Variants in INSL6 observed in about 807,000 individuals in gnomAD.
INSL6 encodes insulin-like peptide INSL6.
INSL6 carries 16 observed loss-of-function variants against 9.4 expected under a neutral mutation model. The ratio of observed to expected loss-of-function variants is 1.70; its 90% confidence interval spans 1.15 to 2.59. The LOEUF (loss-of-function observed/expected upper bound fraction) is 2.59, where lower values mean the gene tolerates loss of function less well. Among genes scored for constraint, INSL6 ranks in the 30% most tolerant of loss-of-function variants. INSL6 has a pLI of 0.00. For synonymous variants in INSL6, 154 were observed against 96.9 expected (o/e 1.59, Z -3.46); for missense variants, 391 against 257.3 (o/e 1.52, Z -3.56).
chr9:5,110,208 T>A, the INSL6 span: 1 of 152,214 alleles, frequency 6.6e-6, no homozygotes, highest in Non-Finnish European at 1.5e-5. Flanking sequence ...CCTGCTCCAC[T>A]CCAGCACTAT....
At chr9:5,130,636 T>C (rs965405269) in intron 3 of INSL6, among the ~76,000 whole-genome samples, 1 of 152,160 alleles carries the variant, frequency 6.6e-6, no homozygotes, top group African/African-American at 2.4e-5. Flanking sequence ...TATTTAATAA[T>C]AAAAAAGTTT....
chr9:5,001,566 T>C, the INSL6 span, among the ~76,000 whole-genome samples: 3 of 152,096 alleles, frequency 2.0e-5, no homozygotes, highest in Non-Finnish European at 2.9e-5. Context: ...GACCTTTTTA[T>C]ATGCTCCTGG....
At chr9:5,111,838 GGCGGGGCCGAC>G in the INSL6 span, 1 of 404,020 alleles carries the variant, frequency 2.5e-6, no homozygotes, top group Non-Finnish European at 4.8e-6. Context: ...CACGCCTGTC[GGCGGGGCCGAC>G]AACCTCCTGG....
chr9:5,115,368 C>G, the INSL6 span, among the ~76,000 whole-genome samples: 1 of 152,294 alleles, frequency 6.6e-6, no homozygotes, highest in East Asian at 1.9e-4. Flanking sequence ...GAGGTACCAT[C>G]TCATGCCAGT....
At chr9:5,138,237 T>C (rs769588489) in intron 2 of INSL6, among the ~76,000 whole-genome samples, 26 of 152,216 alleles carry the variant, frequency 1.7e-4, no homozygotes, top group Non-Finnish European at 2.9e-4. Context: ...ACTGGGTATA[T>C]ACCCAAAGGA....
At chr9:5,079,489 G>C in the INSL6 span, among the ~76,000 whole-genome samples, 1 of 147,210 alleles carries the variant, frequency 6.8e-6, no homozygotes, top group Non-Finnish European at 1.5e-5. Context: ...AATGCTTGTT[G>C]GTCCTTGGGT....
At chr9:5,139,555 T>C (rs1162777033) in intron 2 of INSL6, among the ~76,000 whole-genome samples, 1 of 152,184 alleles carries the variant, frequency 6.6e-6, no homozygotes, top group African/African-American at 2.4e-5. Context: ...CCCTGGTTGC[T>C]TGAGGAAAGG....
intron 1 of INSL6, among the ~76,000 whole-genome samples, chr9:5,169,751 A>G (rs149121999): frequency 0.016 from 2,478 of 152,324 alleles, 35 homozygotes; most frequent in Non-Finnish European, 0.023. Flanking sequence ...CTTTAAACCA[A>G]CGAAGATAAA....
chr9:5,135,110 G>A lies in INSL6; in HGVS notation c.377-1518C>T, dbSNP rs555412195. 5.3e-5 allele frequency among the ~76,000 whole-genome samples: 8 copies of A among 152,154 alleles called. No individual in the cohort carries two copies. In the East Asian group the frequency reaches 1.5e-3, roughly 29 times the overall value. ...GAAGGGCATTATATAATGGTAAAGG[G>A]AATCAATGCAACAAGAAGAGCTAAC... On this transcript the variant is annotated intron_variant, in intron 2 of 3. Coordinates refer to the INSL6 transcript ENST00000649639.
At chr9:5,135,766 T>A (rs563062369) in intron 2 of INSL6, among the ~76,000 whole-genome samples, 1 of 151,232 alleles carries the variant, frequency 6.6e-6, no homozygotes, top group Non-Finnish European at 1.5e-5. Context: ...GAGAAATAAC[T>A]AAGATCAGAG....
chr9:5,090,150 A>C, the INSL6 span, among the ~76,000 whole-genome samples: 6 of 152,172 alleles, frequency 3.9e-5, no homozygotes, highest in African/African-American at 1.4e-4. Flanking sequence ...TTTTGAATTC[A>C]ATGTTTTTTG....
intron 2 of INSL6, among the ~76,000 whole-genome samples, chr9:5,134,696 C>T (rs891924740): frequency 1.3e-5 from 2 of 152,158 alleles, no homozygotes; most frequent in African/African-American, 4.8e-5. Context: ...AAGCACTAAA[C>T]ATGGAAGGAA....
At chr9:5,126,540 G>A in intron 3 of INSL6, 1 of 977,652 alleles carries the variant, frequency 1.0e-6, no homozygotes. Context: ...AATGTGCGGA[G>A]CTTCCAGATA....
At chr9:5,104,965 AAAAACTGGAAGCATTCCCTTTG>A in the INSL6 span, among the ~76,000 whole-genome samples, 2 of 152,242 alleles carry the variant, frequency 1.3e-5, no homozygotes, top group Non-Finnish European at 2.9e-5. Context: ...CTGAATGGGC[AAAAACTGGAAGCATTCCCTTTG>A]AAAACTGGCA....
At chr9:5,055,635 ACC>A in the INSL6 span, 4 of 1,489,438 alleles carry the variant, frequency 2.7e-6, no homozygotes, top group East Asian at 9.1e-5. Flanking sequence ...TGTAAATTCT[ACC>A]CGTTTTTAAT....
At chr9:5,184,916 C>G (rs554499314) in intron 1 of INSL6, among the ~76,000 whole-genome samples, 1 of 152,262 alleles carries the variant, frequency 6.6e-6, no homozygotes, top group African/African-American at 2.4e-5. Context: ...CCAATGACGA[C>G]AGTCAAATAC....
chr9:5,025,746 T>G, the INSL6 span, among the ~76,000 whole-genome samples: 55,140 of 151,948 alleles, frequency 0.36, 11,095 homozygotes, highest in African/African-American at 0.54. Context: ...TGGCCAAGCT[T>G]ATCTCAAACT....
chr9:5,094,858 C>T, the INSL6 span: 1 of 152,028 alleles, frequency 6.6e-6, no homozygotes, highest in Non-Finnish European at 1.5e-5. Flanking sequence ...TTACCAAGAC[C>T]CTCCTTTTAA....
At chr9:5,011,970 A>T in the INSL6 span, among the ~76,000 whole-genome samples, 1 of 152,192 alleles carries the variant, frequency 6.6e-6, no homozygotes, top group Non-Finnish European at 1.5e-5. Flanking sequence ...ACTCTCCAGG[A>T]CCAGATAGCT....
Sources: allele counts gnomAD v4.1 joint callset (sites outside exome capture counted in the v4.1 genomes callset), GRCh38; gene constraint gnomAD v4.1.1; transcripts MANE v1.5; gene names NCBI Gene and HGNC (gene_info 2026-07-23, HGNC 2026-07-21).